RUBCN: variants seen among roughly 807,000 people sequenced by gnomAD.
The protein encoded by RUBCN is rubicon autophagy regulator.
In RUBCN, 74 loss-of-function variants were observed where a neutral mutation model predicts 113.2. That is an observed-to-expected ratio of 0.65 (90% CI 0.54 to 0.79). The LOEUF is 0.79. Among genes scored for constraint, RUBCN ranks in the 30% least tolerant of loss-of-function variants. The pLI, the probability that RUBCN is intolerant of heterozygous loss-of-function variation, is 0.00. For missense variants in RUBCN, 1,109 were observed against 1,251.7 expected, an observed-to-expected ratio of 0.89 and a Z score of 1.72; for synonymous variants, 480 against 490.0, an observed-to-expected ratio of 0.98 and a Z score of 0.27.
intron 2 of RUBCN, among the ~76,000 whole-genome samples, chr3:197,708,579 C>T (rs562484859): frequency 9.4e-4 from 130 of 138,732 alleles, no homozygotes; most frequent in African/African-American, 3.4e-3. Flanking sequence ...AAAAAAAGAG[C>T]AATGCTATAT....
intron 1 of RUBCN, among the ~76,000 whole-genome samples, chr3:197,726,234 A>G (rs1726733219): frequency 6.6e-6 from 1 of 151,904 alleles, no homozygotes; most frequent in South Asian, 2.1e-4. Context: ...ATTTTATTTT[A>G]TTTTATTTTT....
chr3:197,701,195 C>T, intron 6 of RUBCN, 49 bp from the exon 7 acceptor site: 2 of 1,451,922 alleles, frequency 1.4e-6, no homozygotes, highest in Non-Finnish European at 1.8e-6. Context: ...AGGTGGAATC[C>T]TGCAGTATGT....
intron 1 of RUBCN, 51 bp downstream of exon 1, chr3:197,736,604 G>A (rs1728157972): frequency 1.3e-6 from 2 of 1,511,926 alleles, no homozygotes; most frequent in South Asian, 1.2e-5. Flanking sequence ...CAAGCCTCCC[G>A]GGGCTCCGGC....
At chr3:197,687,248 A>G (rs940536389) in intron 11 of RUBCN, among the ~76,000 whole-genome samples, 9 of 152,250 alleles carry the variant, frequency 5.9e-5, no homozygotes, top group Non-Finnish European at 1.3e-4. Context: ...TGGAGAACCC[A>G]AAGTATTCTT....
chr3:197,748,119 T>A (rs981318865), intron 1 of RUBCN: 4 of 151,102 alleles, frequency 2.6e-5, no homozygotes, highest in Non-Finnish European at 5.9e-5. Context: ...TTTTTATTTA[T>A]TTTTATTTTT....
rs137984781 is a variant in RUBCN at position 197,683,522 on chromosome 3, C to A, written c.1848-83G>T. The A allele has an allele frequency of 2.0e-6, 3 of 1,521,220 alleles. No individual in the cohort carries two copies. Among genetic ancestry groups the A allele is most frequent in the South Asian group, 2.3e-5 (2 of 86,716 alleles). 94.2% of individuals were successfully genotyped at this position (1,521,220 alleles called of 1,614,324 possible). On this transcript the variant is annotated intron_variant, in intron 12 of 19. Coordinates refer to ENST00000296343, the MANE Select transcript of RUBCN (RefSeq NM_014687.4). The surrounding 1 kb of genome is among the most constrained non-coding windows in gnomAD (Gnocchi z 4.6). ...CTTCCCTTCATGATCTCATCCCCCA[C>A]GCAGCAACTTCTGGGCTGGAAGAAC...
chr3:197,708,770 T>TC (rs1241122042), intron 2 of RUBCN, among the ~76,000 whole-genome samples: 1 of 152,142 alleles, frequency 6.6e-6, no homozygotes, highest in Admixed American at 6.6e-5. Flanking sequence ...TTGTTATAAT[T>TC]TCACATTTAA....
chr3:197,740,486 A>G (rs1305945555), upstream of RUBCN, among the ~76,000 whole-genome samples: 3 of 152,178 alleles, frequency 2.0e-5, no homozygotes, highest in African/African-American at 2.4e-5. Flanking sequence ...AAGAAAAAGA[A>G]AAAGAAATTT....
intron 14 of RUBCN, 36 bp downstream of exon 14, chr3:197,682,434 T>A (rs771086028): frequency 6.2e-7 from 1 of 1,613,474 alleles, no homozygotes; most frequent in Non-Finnish European, 8.5e-7. Context: ...AGAGGACGGA[T>A]CTGTGCTCCA....
chr3:197,731,893 A>G (rs1727543559), intron 1 of RUBCN, among the ~76,000 whole-genome samples: 1 of 152,226 alleles, frequency 6.6e-6, no homozygotes, highest in African/African-American at 2.4e-5. Flanking sequence ...ACTATAAGCC[A>G]TTATATTTGG....
At chr3:197,713,856 T>C (rs997239342) in intron 2 of RUBCN, among the ~76,000 whole-genome samples, 6 of 151,880 alleles carry the variant, frequency 4.0e-5, no homozygotes, top group African/African-American at 1.2e-4. Context: ...GGGCGAATCA[T>C]GAGCTCAGGA....
chr3:197,696,022 C>T, intron 8 of RUBCN, 41 bp from the exon 9 acceptor site: 2 of 1,585,522 alleles, frequency 1.3e-6, no homozygotes, highest in African/African-American at 1.3e-5. Flanking sequence ...CAGGCTTCTT[C>T]AGGAAGTCTT....
intron 1 of RUBCN, among the ~76,000 whole-genome samples, chr3:197,719,596 G>T (rs1725924469): frequency 6.6e-6 from 1 of 151,398 alleles, no homozygotes; most frequent in South Asian, 2.1e-4. Context: ...TAGAAACTTT[G>T]AGCATTCAGA....
chr3:197,671,661 T>C lies in RUBCN; in HGVS notation c.*3357A>G, dbSNP rs1719804065. 1 of 152,238 alleles carries C rather than the reference T, an allele frequency of 6.6e-6. No individual in the cohort carries two copies. The allele number at this position is 152,238 out of a possible 1,614,324, so 9.4% of individuals were successfully genotyped here. ...TGTTGAGAGAGTTGCAGCGTAGAGC[T>C]GGAGCTCCAGTGGGCCAGGAGCAGA... On this transcript the variant is annotated 3_prime_UTR_variant, in exon 20 of 20. Transcript: ENST00000296343.
chr3:197,706,058 C>T (rs1314248941), intron 2 of RUBCN, among the ~76,000 whole-genome samples: 2 of 152,152 alleles, frequency 1.3e-5, no homozygotes, highest in African/African-American at 4.8e-5. Flanking sequence ...TTCTCTCTAC[C>T]GTTCTGTTTT....
chr3:197,701,775 G>A lies in RUBCN; in HGVS notation c.660C>T (p.Ser220=), dbSNP rs1267560354. 1.9e-6 allele frequency: 3 copies of A among 1,613,912 alleles called. No individual in the cohort carries two copies. Among genetic ancestry groups the A allele is most frequent in the Admixed American group, 1.7e-5 (1 of 59,994 alleles). ...LPSSTYTPPN[S]YAQHSYFGSF... Reference sequence around the variant, plus strand: ...ACCCAAAGTAGGAATGCTGAGCATAGCTGTTTGGAGGGGTGTATGTGGAAC... The same window carrying A: ...ACCCAAAGTAGGAATGCTGAGCATAACTGTTTGGAGGGGTGTATGTGGAAC... Residue 220 remains serine, a synonymous_variant, in exon 6 of 20, where the codon AGC becomes AGT. Transcript: ENST00000296343.
rs1180385268 is a variant in RUBCN at position 197,703,627 on chromosome 3, T to C, written c.491A>G (p.His164Arg). ...TDAAFLLSDA[H>R]VTAMLQCLEA... ...CAGGCACTGCAGCATGGCCGTGACATGAGCGTCACTTAGCAGGAAGGCAGC... is the reference window on the plus strand; with the variant it reads ...CAGGCACTGCAGCATGGCCGTGACACGAGCGTCACTTAGCAGGAAGGCAGC... Residue 164 changes from histidine (H) to arginine (R), a missense_variant, in exon 5 of 20, where the codon CAT becomes CGT. Coordinates refer to ENST00000296343, the MANE Select transcript of RUBCN (RefSeq NM_014687.4). 2 of 1,613,606 alleles carry C rather than the reference T, an allele frequency of 1.2e-6. No homozygotes were observed. The highest frequency in any genetic ancestry group is 1.7e-6 in the Non-Finnish European group (2 of 1,179,850).
In RUBCN at chr3:197,700,617, A is replaced by G; in HGVS notation, c.1257T>C (p.Ala419=). 5.6e-6 allele frequency: 9 copies of G among 1,614,092 alleles called. No individual in the cohort carries two copies. In the South Asian group the frequency reaches 8.8e-5, roughly 16 times the overall value. ...GCAGCCGGTGTTCCTCATTACCTGG[A>G]GCTCCCCTGGAGGCAATGCTGGTAT... ...HSDTSIASRG[A]PESCNDKAKL... The change falls in exon 7 of 20, where the codon GCT becomes GCC. Residue 419 remains alanine (A), a synonymous_variant. Coordinates refer to ENST00000296343, the MANE Select transcript of RUBCN (RefSeq NM_014687.4).
At chr3:197,743,871 C>T (rs1728627654) in intron 1 of RUBCN, among the ~76,000 whole-genome samples, 1 of 152,068 alleles carries the variant, frequency 6.6e-6, no homozygotes, top group Admixed American at 6.6e-5. Context: ...GTAATCCCAG[C>T]TACTTGGGAG....
Sources: allele counts gnomAD v4.1 joint callset (sites outside exome capture counted in the v4.1 genomes callset), GRCh38; gene constraint gnomAD v4.1.1; non-coding constraint Gnocchi (gnomAD v3.1); transcripts MANE v1.5; gene names NCBI Gene and HGNC (gene_info 2026-07-23, HGNC 2026-07-21).